CDC25C: variants seen among roughly 807,000 people sequenced by gnomAD.
The protein encoded by CDC25C is M-phase inducer phosphatase 3.
In CDC25C, 48 loss-of-function variants were observed where a neutral mutation model predicts 52.5. The ratio of observed to expected loss-of-function variants is 0.91; its 90% CI spans 0.72 to 1.16. CDC25C has a LOEUF of 1.16. Ranked by LOEUF, CDC25C falls within the 50% of genes most tolerant of loss-of-function variation. The probability of loss-of-function intolerance (pLI) is 0.00; values close to 1 mark genes in which losing one functional copy is unlikely to be tolerated. For missense variants in CDC25C, 510 were observed against 566.1 expected (o/e 0.90, Z 1.01); for synonymous variants, 187 against 206.5 (o/e 0.91, Z 0.81).
chr5:138,310,093 C>T (rs545067255), intron 7 of CDC25C, among the ~76,000 whole-genome samples: 31 of 152,308 alleles, frequency 2.0e-4, no homozygotes, highest in African/African-American at 5.1e-4. Flanking sequence ...CTGAGTCCAC[C>T]TAATGATATC....
At chr5:138,309,238 A>C (rs1269940909) in intron 7 of CDC25C, among the ~76,000 whole-genome samples, 1 of 150,864 alleles carries the variant, frequency 6.6e-6, no homozygotes. Context: ...AAAAAAAAAA[A>C]ACATAAAAAT....
At position 138,331,750 on chromosome 5, in the gene CDC25C, G is replaced by A; in HGVS notation, c.-194C>T. The A allele has an allele frequency of 2.0e-6, 2 of 988,376 alleles. No individual in the cohort carries two copies. Among genetic ancestry groups the A allele is most frequent in the East Asian group, 1.1e-4 (1 of 8,880 alleles). 61.2% of individuals were successfully genotyped at this position (988,376 alleles called of 1,614,324 possible). ...CCTTCCGACTGGGTAGGCCAACGTC[G>A]GACTCAGAGTCTTCCCTGAGCAGAA... On this transcript the variant is annotated 5_prime_UTR_variant, in exon 1 of 14. Transcript: ENST00000323760.
intron 7 of CDC25C, among the ~76,000 whole-genome samples, chr5:138,303,170 A>G (rs1561686932): frequency 6.6e-6 from 1 of 152,222 alleles, no homozygotes; most frequent in Non-Finnish European, 1.5e-5. Flanking sequence ...GGGCTTCTCA[A>G]GAAATGTATA....
At chr5:138,327,011 C>T (rs1759933755) in intron 4 of CDC25C, among the ~76,000 whole-genome samples, 1 of 148,214 alleles carries the variant, frequency 6.7e-6, no homozygotes, top group Admixed American at 6.7e-5. Context: ...AATTCCAGCA[C>T]TTTGGGAGGC....
At chr5:138,332,636 C>A (rs1760482411), upstream of CDC25C, among the ~76,000 whole-genome samples, 1 of 152,062 alleles carries the variant, frequency 6.6e-6, no homozygotes, top group South Asian at 2.1e-4. Flanking sequence ...GAGGCCGAGG[C>A]GGGCAGATTA....
rs1759824362 is a variant in CDC25C, at chr5:138,326,006, A to G, written c.369+15T>C. Reference sequence around the variant, plus strand: ...GAAAAGCAAAACAAAACCCAAAAAAAGAGAGGCTACTCACTGGGCTACATT... The same window carrying G: ...GAAAAGCAAAACAAAACCCAAAAAAGGAGAGGCTACTCACTGGGCTACATT... On this transcript the variant is annotated intron_variant, in intron 5 of 13. Transcript: ENST00000323760. 1 of 1,614,188 alleles carries G rather than the reference A, an allele frequency of 6.2e-7. No individual in the cohort carries two copies. Among genetic ancestry groups the G allele is most frequent in the Non-Finnish European group, 8.5e-7 (1 of 1,180,000 alleles).
intron 2 of CDC25C, among the ~76,000 whole-genome samples, chr5:138,329,850 C>T (rs1235623639): frequency 1.3e-5 from 2 of 151,568 alleles, no homozygotes; most frequent in Non-Finnish European, 2.9e-5. Flanking sequence ...CCTGCCTCAG[C>T]CTCCCAAATA....
chr5:138,302,589 C>G (rs187762805), intron 7 of CDC25C, among the ~76,000 whole-genome samples: 1 of 151,818 alleles, frequency 6.6e-6, no homozygotes, highest in Admixed American at 6.6e-5. Flanking sequence ...ATCCCAGCTA[C>G]TCGGGAGGCT....
In CDC25C at chr5:138,286,493, T is replaced by G. The variant is rs1261159856; in HGVS notation, c.1160+4A>C. ...CACCCGCCAGACCCCATTTAGACAC[T>G]CACATTCGGGGGCCCCTCTCTGAGG... On this transcript the variant is annotated splice_donor_region_variant and intron_variant, in intron 12 of 13. Coordinates refer to ENST00000323760, the MANE Select transcript of CDC25C (RefSeq NM_001790.5). 3.7e-6 allele frequency: 6 copies of G among 1,609,396 alleles called. No homozygotes were observed. The highest frequency in any genetic ancestry group is 1.7e-5 in the Admixed American group (1 of 59,292).
intron 6 of CDC25C, among the ~76,000 whole-genome samples, chr5:138,323,995 G>A (rs913556136): frequency 4.3e-4 from 65 of 151,580 alleles, no homozygotes; most frequent in African/African-American, 1.5e-3. Flanking sequence ...AGAAGACTGG[G>A]CAGGGTGGCT....
intron 7 of CDC25C, among the ~76,000 whole-genome samples, chr5:138,297,663 T>C (rs1042508566): frequency 1.3e-5 from 2 of 152,218 alleles, no homozygotes; most frequent in Admixed American, 6.5e-5. Context: ...AAATTCACAT[T>C]TGGAAGCTTG....
intron 7 of CDC25C, among the ~76,000 whole-genome samples, chr5:138,300,680 G>A (rs1561683912): frequency 1.3e-5 from 2 of 152,102 alleles, no homozygotes; most frequent in Admixed American, 1.3e-4. Context: ...CAAGAATAGA[G>A]ACTATACATT....
At chr5:138,294,499 ATTTTTTTT>A (rs762737768) in intron 7 of CDC25C, among the ~76,000 whole-genome samples, 2 of 95,986 alleles carry the variant, frequency 2.1e-5, no homozygotes, top group South Asian at 3.4e-4. Flanking sequence ...CACTCAGCTA[ATTTTTTTT>A]TTTTTTTTTT....
intron 7 of CDC25C, among the ~76,000 whole-genome samples, chr5:138,294,834 A>G (rs1467649175): frequency 1.3e-5 from 2 of 151,266 alleles, no homozygotes; most frequent in Non-Finnish European, 2.9e-5. Context: ...TTTTTAGTAG[A>G]GATGGGGTTT....
chr5:138,321,773 A>AC (rs1561712742), intron 6 of CDC25C, among the ~76,000 whole-genome samples: 2 of 148,080 alleles, frequency 1.4e-5, no homozygotes, highest in African/African-American at 4.9e-5. Flanking sequence ...AAAAAAAAAA[A>AC]AAAAAAAAAC....
chr5:138,307,666 A>G (rs1411822347), intron 7 of CDC25C, among the ~76,000 whole-genome samples: 1 of 151,944 alleles, frequency 6.6e-6, no homozygotes, highest in Non-Finnish European at 1.5e-5. Context: ...TTTTTCAAAG[A>G]CCATCAAAAT....
rs1051958364 is a variant in CDC25C, at chr5:138,329,540, C to G, written c.289+13G>C. 6.5e-7 allele frequency: 1 copy of G among 1,533,548 alleles called. No homozygotes were observed. Among genetic ancestry groups the G allele is most frequent in the Non-Finnish European group, 9.0e-7 (1 of 1,107,578 alleles). 95.0% of individuals were successfully genotyped at this position (1,533,548 alleles called of 1,614,324 possible). A position where few individuals can be genotyped will look rare whatever the true frequency, so the allele number is the denominator to read the frequency against. ...ATTCTTCCCTTTGAGGCCTTTATCT[C>G]CCTTCTCCCTACCAGTTTCATCAAG... On this transcript the variant is annotated intron_variant, in intron 3 of 13. Coordinates refer to ENST00000323760, the MANE Select transcript of CDC25C (RefSeq NM_001790.5).
At chr5:138,316,336 C>A (rs1758868863) in intron 7 of CDC25C, among the ~76,000 whole-genome samples, 1 of 152,186 alleles carries the variant, frequency 6.6e-6, no homozygotes, top group Non-Finnish European at 1.5e-5. Context: ...CAGCACCCTG[C>A]CACCTTGACC....
chr5:138,321,867 T>A (rs1759435998), intron 6 of CDC25C, among the ~76,000 whole-genome samples: 1 of 150,662 alleles, frequency 6.6e-6, no homozygotes, highest in African/African-American at 2.4e-5. Flanking sequence ...AATCCAAATC[T>A]CTGGAGTCCA....
Sources: gnomAD v4.1 joint callset for allele counts (sites outside exome capture counted in the v4.1 genomes callset) on GRCh38, gnomAD v4.1.1 for gene constraint, MANE v1.5 for transcripts, NCBI Gene and HGNC (gene_info 2026-07-23, HGNC 2026-07-21) for gene names.